DNAJC21: variants seen among roughly 807,000 people sequenced by gnomAD.
DNAJC21 encodes DnaJ heat shock protein family (Hsp40) member C21.
Under a neutral mutation model 72.4 loss-of-function variants are expected in DNAJC21, and 63 were observed. The observed-to-expected ratio is 0.87, with a 90% confidence interval of 0.71 to 1.07. The LOEUF (loss-of-function observed/expected upper bound fraction) is 1.07, where lower values mean the gene tolerates loss of function less well. DNAJC21 is among the 50% of genes least tolerant of loss of function. The pLI is 0.00. For missense variants in DNAJC21, 634 were observed against 644.8 expected (o/e 0.98, Z 0.18); for synonymous variants, 203 against 216.7 (o/e 0.94, Z 0.56).
chr5:34,929,680 G>A lies in DNAJC21; in HGVS notation c.-140G>A, dbSNP rs1764509059. 9.7e-6 allele frequency: 2 copies of A among 207,020 alleles called. No individual in the cohort carries two copies. The highest frequency in any genetic ancestry group is 6.7e-5 in the Admixed American group (1 of 14,992). 12.8% of individuals were successfully genotyped at this position (207,020 alleles called of 1,614,324 possible). ...CACCGCCGCCGCCGCCGCCGCCGCC[G>A]GGCTCGCTGGCTGGCCCGGTGCGGG... On this transcript the variant is annotated 5_prime_UTR_variant, in exon 1 of 12. Coordinates refer to ENST00000648817, the MANE Select transcript of DNAJC21 (RefSeq NM_001012339.3).
chr5:34,943,803 T>C (rs911833081), intron 7 of DNAJC21, among the ~76,000 whole-genome samples: 2 of 152,236 alleles, frequency 1.3e-5, no homozygotes, highest in African/African-American at 2.4e-5. Context: ...TTATCTATTA[T>C]CAGTTTGAAT....
chr5:34,931,792 G>A (rs1317052327), intron 1 of DNAJC21, among the ~76,000 whole-genome samples: 6 of 152,130 alleles, frequency 3.9e-5, no homozygotes, highest in African/African-American at 9.7e-5. Flanking sequence ...TGGGGTCAGC[G>A]GGAGGGGGAA....
At chr5:34,939,601 G>T (rs937586483) in intron 6 of DNAJC21, among the ~76,000 whole-genome samples, 1 of 152,182 alleles carries the variant, frequency 6.6e-6, no homozygotes, top group African/African-American at 2.4e-5. Context: ...CTAAGTGATA[G>T]GTCAAGTTTT....
At chr5:34,950,573 G>C in intron 10 of DNAJC21, 2 of 1,144,896 alleles carry the variant, frequency 1.7e-6, no homozygotes, top group Non-Finnish European at 2.1e-6. Context: ...GCCAAAATCA[G>C]AAAGATGTCA....
In DNAJC21 at chr5:34,954,872, T is replaced by C. The variant is rs1230573740; in HGVS notation, c.*158T>C. The stretch of plus-strand genomic sequence containing the variant: ...AAAAACACTTTTTTGGTTTAATATA[T>C]ATTTTTAAAACATTTCACTAGTGAT... On this transcript the variant is annotated 3_prime_UTR_variant, in exon 12 of 12. Transcript: ENST00000648817. 3 of 881,718 alleles carry C rather than the reference T, an allele frequency of 3.4e-6. No individual in the cohort carries two copies. Among genetic ancestry groups the C allele is most frequent in the Non-Finnish European group, 4.8e-6 (3 of 626,542 alleles). The allele number at this position is 881,718 out of a possible 1,614,324, so 54.6% of individuals were successfully genotyped here.
In DNAJC21 at chr5:34,956,298, A is replaced by G. The variant is rs568840775; in HGVS notation, c.*1584A>G. 2 of 152,732 alleles carry G rather than the reference A, an allele frequency of 1.3e-5. No individual in the cohort carries two copies. Among genetic ancestry groups the G allele is most frequent in the East Asian group, 3.9e-4 (2 of 5,186 alleles). The allele number at this position is 152,732 out of a possible 1,614,324, so 9.5% of individuals were successfully genotyped here. A position where few individuals can be genotyped will look rare whatever the true frequency, so the allele number is the denominator to read the frequency against. On this transcript the variant is annotated 3_prime_UTR_variant, in exon 12 of 12. Coordinates refer to ENST00000648817, the MANE Select transcript of DNAJC21 (RefSeq NM_001012339.3). ...CTGTGTTATTGTCTTAAAAATAAGC[A>G]TTTGAACCTTAATTTAAATTCTTTT...
rs376788553 is a variant in DNAJC21, at chr5:34,940,202, T to A, written c.896-894T>A. On this transcript the variant is annotated intron_variant, in intron 6 of 11. Coordinates refer to ENST00000648817, the MANE Select transcript of DNAJC21 (RefSeq NM_001012339.3). ...CTGAGAATGTATGACCATTTTTAGA[T>A]CCAGAGTTTTTGCTTCAAATCCAGT... is the stretch of plus-strand genomic sequence containing the variant. 9.2e-5 allele frequency among the ~76,000 whole-genome samples: 14 copies of A among 152,328 alleles called. No individual in the cohort carries two copies. The East Asian group carries it at 2.5e-3, about 27-fold the overall frequency.
Position 34,945,710 on chromosome 5 carries a change from T to TA in DNAJC21, c.1143-50dup, listed in dbSNP as rs775820089. Reference sequence around the variant, plus strand: ...GTTTCAACTTTTTTTTTTTTCCACTTACTCTTCACAGAGTCAAGTATTTGA... The same window carrying TA: ...GTTTCAACTTTTTTTTTTTTCCACTTAACTCTTCACAGAGTCAAGTATTTGA... On this transcript the variant is annotated intron_variant, in intron 8 of 11. Coordinates refer to ENST00000648817, the MANE Select transcript of DNAJC21 (RefSeq NM_001012339.3). 2.0e-6 allele frequency: 3 copies of TA among 1,485,240 alleles called. No homozygotes were observed. The South Asian group carries it at 4.3e-5, about 21-fold the overall frequency. The allele number at this position is 1,485,240 out of a possible 1,614,324, so 92.0% of individuals were successfully genotyped here.
intron 9 of DNAJC21, among the ~76,000 whole-genome samples, chr5:34,948,002 A>G (rs185384460): frequency 6.6e-6 from 1 of 152,302 alleles, no homozygotes; most frequent in Non-Finnish European, 1.5e-5. Context: ...TGTAGGTTGT[A>G]TTGACATCTT....
chr5:34,937,741 G>A, intron 5 of DNAJC21, 111 bp downstream of exon 5: 1 of 1,290,036 alleles, frequency 7.8e-7, no homozygotes, highest in Non-Finnish European at 1.1e-6. Flanking sequence ...GCTTTATCCT[G>A]CTTTTTCTTC....
intron 1 of DNAJC21, among the ~76,000 whole-genome samples, chr5:34,931,344 A>T (rs1005664870): frequency 6.6e-6 from 1 of 152,238 alleles, no homozygotes; most frequent in Non-Finnish European, 1.5e-5. Flanking sequence ...ATAAATGTAA[A>T]AATAGTGTAG....
At chr5:34,943,042 TG>T (rs1437205704) in intron 7 of DNAJC21, among the ~76,000 whole-genome samples, 1 of 151,978 alleles carries the variant, frequency 6.6e-6, no homozygotes, top group East Asian at 1.9e-4. Context: ...CACTCCAGCC[TG>T]GGCAATAAGA....
In DNAJC21 at chr5:34,935,472, C is replaced by T. The variant is rs111993816; in HGVS notation, c.192-238C>T. Reference sequence around the variant, plus strand: ...AAATTCCTTGGCTTTTTAAATTCCCCTGTTCATGTGGGCTAGCATTGTATA... The same window carrying T: ...AAATTCCTTGGCTTTTTAAATTCCCTTGTTCATGTGGGCTAGCATTGTATA... On this transcript the variant is annotated intron_variant, in intron 2 of 11. Coordinates refer to ENST00000648817, the MANE Select transcript of DNAJC21 (RefSeq NM_001012339.3). 4.1e-3 allele frequency among the ~76,000 whole-genome samples: 620 copies of T among 152,192 alleles called. 2 individuals carry two copies. Among genetic ancestry groups the T allele is most frequent in the African/African-American group, 0.014 (577 of 41,494 alleles).
At chr5:34,953,764 A>T in intron 10 of DNAJC21, 162 bp from the exon 11 acceptor site, 5 of 425,408 alleles carry the variant, frequency 1.2e-5, no homozygotes, top group East Asian at 3.7e-5. Context: ...CTTTTTAAAG[A>T]TGTTCATTTA....
rs1461270157 is a variant in DNAJC21, at chr5:34,957,702, G to A, written c.*2988G>A. On this transcript the variant is annotated 3_prime_UTR_variant, in exon 12 of 12. Coordinates refer to ENST00000648817, the MANE Select transcript of DNAJC21 (RefSeq NM_001012339.3). ...TCTCTAAAATTGTGGTTTAACTCACGCAGGAAGTAAAATTCCTATAGCAAG... is the reference window on the plus strand; with the variant it reads ...TCTCTAAAATTGTGGTTTAACTCACACAGGAAGTAAAATTCCTATAGCAAG... The A allele has an allele frequency of 3.3e-5, 5 of 152,172 alleles. No homozygotes were observed. The highest frequency in any genetic ancestry group is 9.6e-5 in the African/African-American group (4 of 41,490). 9.4% of individuals were successfully genotyped at this position (152,172 alleles called of 1,614,324 possible).
chr5:34,931,559 T>G lies in DNAJC21; in HGVS notation c.97+1643T>G, dbSNP rs547903556. On this transcript the variant is annotated intron_variant, in intron 1 of 11. Transcript: ENST00000648817. ...TGATTTTAAATCAGATTGTATTTCTTGAGTACAAGAGTAGTTTGAAATCAG... is the reference window on the plus strand; with the variant it reads ...TGATTTTAAATCAGATTGTATTTCTGGAGTACAAGAGTAGTTTGAAATCAG... Among the ~76,000 whole-genome samples, 120 of 152,370 alleles carry G rather than the reference T, an allele frequency of 7.9e-4. 1 individual carries two copies. In the South Asian group the frequency reaches 9.9e-3, roughly 13 times the overall value.
chr5:34,935,228 A>T (rs75596397), intron 2 of DNAJC21, among the ~76,000 whole-genome samples: 1 of 152,316 alleles, frequency 6.6e-6, no homozygotes, highest in East Asian at 1.9e-4. Context: ...TTTATATCAG[A>T]TGGAGATAAT....
chr5:34,929,883 G>T lies in DNAJC21; in HGVS notation c.64G>T (p.Ala22Ser). 2.5e-6 allele frequency: 4 copies of T among 1,584,626 alleles called. No homozygotes were observed. Among genetic ancestry groups the T allele is most frequent in the Non-Finnish European group, 3.4e-6 (4 of 1,166,252 alleles). ...CGCCAGCGAGGAGGAGCTCAAGAAG[G>T]CCTATCGGAAGCTGGCCCTGAAATG... ...RDASEEELKK[A>S]YRKLALKWHP... The change falls in exon 1 of 12, where the codon GCC (alanine) becomes TCC (serine). Residue 22 changes from alanine (A) to serine (S), a missense_variant. Coordinates refer to ENST00000648817, the MANE Select transcript of DNAJC21 (RefSeq NM_001012339.3).
chr5:34,933,006 C>A (rs947503335), intron 1 of DNAJC21, among the ~76,000 whole-genome samples: 1 of 152,184 alleles, frequency 6.6e-6, no homozygotes, highest in Non-Finnish European at 1.5e-5. Flanking sequence ...AAGCTGGGTA[C>A]CACCCTGAGG....
Sources: allele counts gnomAD v4.1 joint callset (sites outside exome capture counted in the v4.1 genomes callset), GRCh38; gene constraint gnomAD v4.1.1; transcripts MANE v1.5; gene names NCBI Gene and HGNC (gene_info 2026-07-23, HGNC 2026-07-21).